The following TNR variants were observed in gnomAD, a reference collection of about 807,000 sequenced individuals.
TNR encodes tenascin R.
A neutral mutation model predicts 150.4 loss-of-function variants in TNR; 45 were observed. The ratio of observed to expected loss-of-function variants is 0.30; its 90% confidence interval spans 0.24 to 0.38. The LOEUF is 0.38. Ranked by LOEUF, TNR falls within the 10% of genes least tolerant of loss-of-function variation. The pLI is 1.00. For synonymous variants in TNR, 687 were observed against 678.4 expected, an observed-to-expected ratio of 1.01 and a Z score of -0.20; for missense variants, 1,544 against 1,759.1, an observed-to-expected ratio of 0.88 and a Z score of 2.19.
intron 1 of TNR, among the ~76,000 whole-genome samples, chr1:175,563,990 G>T (rs921651515): frequency 1.3e-5 from 2 of 152,222 alleles, no homozygotes; most frequent in Non-Finnish European, 2.9e-5. Context: ...AAACTGGTGT[G>T]TGCTGAATCT....
intron 2 of TNR, among the ~76,000 whole-genome samples, chr1:175,466,786 C>G (rs1357931655): frequency 6.6e-6 from 1 of 152,186 alleles, no homozygotes; most frequent in Admixed American, 6.5e-5. Context: ...CACATTGCCA[C>G]CCTCCATCTG....
intron 2 of TNR, among the ~76,000 whole-genome samples, chr1:175,480,443 GAGAA>G (rs1553228915): frequency 5.3e-5 from 5 of 94,720 alleles, no homozygotes; most frequent in East Asian, 4.8e-4. Flanking sequence ...AAGAAAGAAA[GAGAA>G]AGAAAGAAAG....
chr1:175,577,649 T>C (rs1045550321), intron 1 of TNR, among the ~76,000 whole-genome samples: 1 of 152,080 alleles, frequency 6.6e-6, no homozygotes, highest in Non-Finnish European at 1.5e-5. Flanking sequence ...TGACCCTTCC[T>C]GCGCCTGTAA....
intron 8 of TNR, among the ~76,000 whole-genome samples, chr1:175,380,707 T>G (rs1652635024): frequency 6.6e-6 from 1 of 152,216 alleles, no homozygotes; most frequent in South Asian, 2.1e-4. Context: ...CACTGCTTTT[T>G]TTCTCCCAGG....
At chr1:175,562,306 C>G (rs901843992) in intron 1 of TNR, among the ~76,000 whole-genome samples, 1 of 152,168 alleles carries the variant, frequency 6.6e-6, no homozygotes, top group African/African-American at 2.4e-5. Context: ...GCCTTCCACC[C>G]TCACCATCAT....
intron 1 of TNR, among the ~76,000 whole-genome samples, chr1:175,709,739 T>C (rs1285911436): frequency 6.6e-6 from 1 of 152,128 alleles, no homozygotes; most frequent in African/African-American, 2.4e-5. Context: ...CCAAAGCCTT[T>C]TGCTCAGCCC....
Position 175,393,977 on chromosome 1 carries a change from C to T in TNR, c.1241-82G>A. On this transcript the variant is annotated intron_variant, in intron 5 of 22. Transcript: ENST00000367674. Reference sequence around the variant, plus strand: ...TTGCCTGGTGCTTTGTCTTGGTGAACTCCCTCCACGCCATGGGCGTGGTGG... The same window carrying T: ...TTGCCTGGTGCTTTGTCTTGGTGAATTCCCTCCACGCCATGGGCGTGGTGG... 3 of 1,107,586 alleles carry T rather than the reference C, an allele frequency of 2.7e-6. No individual in the cohort carries two copies. In the Admixed American group the frequency reaches 5.2e-5, roughly 19 times the overall value. The allele number at this position is 1,107,586 out of a possible 1,614,324, so 68.6% of individuals were successfully genotyped here.
At chr1:175,671,407 G>A (rs1213178857) in intron 1 of TNR, among the ~76,000 whole-genome samples, 2 of 152,230 alleles carry the variant, frequency 1.3e-5, no homozygotes, top group African/African-American at 4.8e-5. Flanking sequence ...TCATCCAAGA[G>A]TGAGGGAGTG....
intron 1 of TNR, among the ~76,000 whole-genome samples, chr1:175,732,162 G>T (rs769953565): frequency 1.4e-4 from 22 of 152,164 alleles, no homozygotes; most frequent in Non-Finnish European, 2.6e-4. Flanking sequence ...ACCTCCACAG[G>T]AATAAATTGG....
At chr1:175,355,739 C>A (rs991108766) in intron 16 of TNR, 106 bp from the exon 17 acceptor site, 2 of 1,491,168 alleles carry the variant, frequency 1.3e-6, no homozygotes, top group African/African-American at 1.4e-5. Flanking sequence ...CTCAGGATTG[C>A]TCACATGCTG....
chr1:175,453,698 A>G (rs1656428639), intron 2 of TNR, among the ~76,000 whole-genome samples: 1 of 151,960 alleles, frequency 6.6e-6, no homozygotes, highest in Non-Finnish European at 1.5e-5. Flanking sequence ...CAGCCTCCCA[A>G]GTAGCTGGGA....
At chr1:175,609,993 C>G (rs1663540699) in intron 1 of TNR, among the ~76,000 whole-genome samples, 1 of 152,192 alleles carries the variant, frequency 6.6e-6, no homozygotes, top group South Asian at 2.1e-4. Context: ...TAAAAAACAT[C>G]TAATTAAATA....
At chr1:175,618,329 G>T (rs1241890196) in intron 1 of TNR, among the ~76,000 whole-genome samples, 1 of 152,182 alleles carries the variant, frequency 6.6e-6, no homozygotes, top group Non-Finnish European at 1.5e-5. Flanking sequence ...GGTTTAAAGT[G>T]ATATCATTAG....
Position 175,728,862 on chromosome 1 carries a change from A to T in TNR, c.-165+14364T>A, listed in dbSNP as rs142154785. Among the ~76,000 whole-genome samples the T allele has an allele frequency of 9.9e-3, 1,505 of 152,298 alleles. 29 individuals carry two copies. Among genetic ancestry groups the T allele is most frequent in the African/African-American group, 0.032 (1,313 of 41,558 alleles). On this transcript the variant is annotated intron_variant, in intron 1 of 22. Coordinates refer to ENST00000367674, the MANE Select transcript of TNR (RefSeq NM_003285.3). ...GAGCTTTGCATAAGTGATATTGGAG[A>T]TTCCATTGTTTCCTCCTACTTAAGG...
At chr1:175,731,607 C>G (rs2101954150) in intron 1 of TNR, among the ~76,000 whole-genome samples, 1 of 152,250 alleles carries the variant, frequency 6.6e-6, no homozygotes, top group East Asian at 1.9e-4. Context: ...AAAATGAAGG[C>G]TCAGAGAGGC....
rs75014660 is a variant in TNR at position 175,362,316 on chromosome 1, G to A, written c.2854+347C>T. ...GAATAACAACCCTTTTCTTCTCGAGGTGAAATTTTCTCATCTGAGTCTTTT... is the reference window on the plus strand; with the variant it reads ...GAATAACAACCCTTTTCTTCTCGAGATGAAATTTTCTCATCTGAGTCTTTT... On this transcript the variant is annotated intron_variant, in intron 14 of 22. Coordinates refer to ENST00000367674, the MANE Select transcript of TNR (RefSeq NM_003285.3). Among the ~76,000 whole-genome samples the A allele has an allele frequency of 3.7e-3, 568 of 152,242 alleles. 7 individuals are homozygous for A. The highest frequency in any genetic ancestry group is 0.013 in the African/African-American group (542 of 41,550).
intron 2 of TNR, among the ~76,000 whole-genome samples, chr1:175,474,789 T>C (rs1484383954): frequency 6.6e-6 from 1 of 152,128 alleles, no homozygotes; most frequent in Non-Finnish European, 1.5e-5. Context: ...TTTGCATAGG[T>C]AGGAAGGTGC....
chr1:175,708,010 GTGTGTGTT>G (rs1452638632), intron 1 of TNR, among the ~76,000 whole-genome samples: 8 of 110,192 alleles, frequency 7.3e-5, no homozygotes, highest in African/African-American at 2.3e-4. Flanking sequence ...AAAGAGCCAT[GTGTGTGTT>G]TGTGTGTGTG....
At chr1:175,529,400 A>G (rs1659977966) in intron 1 of TNR, among the ~76,000 whole-genome samples, 1 of 152,192 alleles carries the variant, frequency 6.6e-6, no homozygotes, top group South Asian at 2.1e-4. Flanking sequence ...AAGAAGTGTA[A>G]AGATTATTTA....
Sources: allele counts gnomAD v4.1 joint callset (sites outside exome capture counted in the v4.1 genomes callset), GRCh38; gene constraint gnomAD v4.1.1; transcripts MANE v1.5; gene names NCBI Gene and HGNC (gene_info 2026-07-23, HGNC 2026-07-21).